Variants in RIMS2 observed in about 807,000 individuals in gnomAD.
RIMS2 encodes the protein regulating synaptic membrane exocytosis 2, also known as regulating synaptic membrane exocytosis protein 2.
RIMS2 carries 59 observed loss-of-function variants against 174.4 expected under a neutral mutation model. The ratio of observed to expected loss-of-function variants is 0.34; its 90% CI spans 0.27 to 0.42. The LOEUF is 0.42. Ranked by LOEUF, RIMS2 falls within the 10% of genes least tolerant of loss-of-function variation. The probability of loss-of-function intolerance (pLI) is 1.00; values close to 1 mark genes in which losing one functional copy is unlikely to be tolerated. For synonymous variants in RIMS2, 606 were observed against 572.5 expected (o/e 1.06, Z -0.84); for missense variants, 1,620 against 1,666.3 (o/e 0.97, Z 0.48).
intron 3 of RIMS2, among the ~76,000 whole-genome samples, chr8:103,870,189 A>C (rs1207778267): frequency 6.7e-6 from 1 of 149,662 alleles, no homozygotes; most frequent in East Asian, 2.0e-4. Flanking sequence ...TTTACCAGCT[A>C]TGTGATTTTA....
intron 19 of RIMS2, among the ~76,000 whole-genome samples, chr8:104,079,166 AT>A (rs542309811): frequency 1.4e-3 from 218 of 152,288 alleles, no homozygotes; most frequent in Non-Finnish European, 2.2e-3. Context: ...TATAGCAGAA[AT>A]TTTAACTTCT....
At chr8:103,961,230 C>T (rs1199986360) in intron 15 of RIMS2, 97 bp downstream of exon 17, 11 of 701,710 alleles carry the variant, frequency 1.6e-5, no homozygotes, top group East Asian at 2.7e-5. Flanking sequence ...AGATATAACT[C>T]GTCTTCTCAC....
intron 1 of RIMS2, among the ~76,000 whole-genome samples, chr8:103,606,338 T>C (rs868687185): frequency 1.7e-4 from 26 of 151,614 alleles, no homozygotes; most frequent in African/African-American, 6.1e-4. Context: ...TCCTGAGTTC[T>C]AGTTTGATTG....
intron 1 of RIMS2, among the ~76,000 whole-genome samples, chr8:103,517,469 C>T (rs1829528336): frequency 6.6e-6 from 1 of 151,242 alleles, no homozygotes; most frequent in South Asian, 2.1e-4. Context: ...GCATCATATG[C>T]AGGACTGATA....
chr8:103,882,528 C>T (rs937995183), intron 3 of RIMS2, among the ~76,000 whole-genome samples: 2 of 151,524 alleles, frequency 1.3e-5, no homozygotes, highest in African/African-American at 4.8e-5. Flanking sequence ...AAACCTAAGT[C>T]TTTGTAACAG....
chr8:104,251,594 G>C lies in RIMS2; in HGVS notation c.3832-8G>C, dbSNP rs763093781. 2 of 1,506,986 alleles carry C rather than the reference G, an allele frequency of 1.3e-6. No homozygotes were observed. Among genetic ancestry groups the C allele is most frequent in the Non-Finnish European group, 1.8e-6 (2 of 1,082,838 alleles). 93.4% of individuals were successfully genotyped at this position (1,506,986 alleles called of 1,614,324 possible). On this transcript the variant is annotated splice_region_variant and splice_polypyrimidine_tract_variant and intron_variant, in intron 23 of 23. Coordinates refer to ENST00000504942, the Ensembl canonical transcript of RIMS2. The stretch of plus-strand genomic sequence containing the variant: ...CTGACATCACTCTACTTTTTATTTT[G>C]CCAACAGATCATCGTCTGGGGAGAT...
exon 3 of RIMS2, chr8:103,766,525 T>C (rs1468196509): frequency 6.2e-7 from 1 of 1,610,818 alleles, no homozygotes. Context: ...GCCAGTGACA[T>C]AGCTTCAGAC....
intron 13 of RIMS2, among the ~76,000 whole-genome samples, chr8:103,937,098 A>C (rs558608339): frequency 2.4e-4 from 28 of 114,768 alleles, no homozygotes; most frequent in African/African-American, 6.8e-4. Flanking sequence ...ACTCTGTCTC[A>C]AAAAAAAAAT....
At chr8:103,638,878 C>T (rs1459659892) in intron 1 of RIMS2, among the ~76,000 whole-genome samples, 1 of 152,008 alleles carries the variant, frequency 6.6e-6, no homozygotes, top group Non-Finnish European at 1.5e-5. Flanking sequence ...ACACACATAT[C>T]TATATTTATT....
intron 19 of RIMS2, among the ~76,000 whole-genome samples, chr8:104,186,592 C>G (rs955175322): frequency 6.6e-6 from 1 of 151,666 alleles, no homozygotes; most frequent in African/African-American, 2.4e-5. Context: ...ACTACCATGT[C>G]ACTTCATTCT....
chr8:104,248,065 G>A (rs2511589), intron 20 of RIMS2, among the ~76,000 whole-genome samples: 52,394 of 148,804 alleles, frequency 0.35, 9,490 homozygotes, highest in African/African-American at 0.47. Flanking sequence ...TCAAGGAAGA[G>A]GGGGCAAGGG....
intron 3 of RIMS2, among the ~76,000 whole-genome samples, chr8:103,850,940 G>T (rs1227493460): frequency 6.6e-6 from 1 of 151,968 alleles, no homozygotes; most frequent in Non-Finnish European, 1.5e-5. Flanking sequence ...ATGTCCTTGA[G>T]TGGGGAGAGC....
intron 19 of RIMS2, among the ~76,000 whole-genome samples, chr8:104,151,710 T>C (rs1030376182): frequency 1.3e-5 from 2 of 152,178 alleles, no homozygotes; most frequent in African/African-American, 4.8e-5. Flanking sequence ...ATAAACACTT[T>C]TGAAGCTTGT....
intron 19 of RIMS2, among the ~76,000 whole-genome samples, chr8:104,183,329 T>C (rs920861404): frequency 6.6e-6 from 1 of 151,784 alleles, no homozygotes; most frequent in Non-Finnish European, 1.5e-5. Context: ...GTATTTCTAC[T>C]AATTTACATA....
rs541541317 is a variant in RIMS2 at position 104,198,065 on chromosome 8, T to C, written c.3335-46851T>C. Among the ~76,000 whole-genome samples the C allele has an allele frequency of 3.3e-5, 5 of 152,292 alleles. No individual in the cohort carries two copies. The South Asian group carries it at 1.0e-3, about 32-fold the overall frequency. ...TGTGATTCAAAACCAATAAGCCTTT[T>C]TATGGTTCAAAATCAATAATCCTTT... On this transcript the variant is annotated intron_variant, in intron 19 of 23. Transcript: ENST00000504942.
At chr8:103,876,864 T>TTTTATATATATATATATATATATA (rs1378279723) in intron 3 of RIMS2, among the ~76,000 whole-genome samples, 1 of 68,108 alleles carries the variant, frequency 1.5e-5, no homozygotes, top group Non-Finnish European at 3.1e-5. Context: ...ACACACTATT[T>TTTTATATATATATATATATATATA]TATATATATA....
At chr8:104,209,301 A>G (rs1279377939) in intron 19 of RIMS2, among the ~76,000 whole-genome samples, 1 of 152,366 alleles carries the variant, frequency 6.6e-6, no homozygotes, top group East Asian at 1.9e-4. Flanking sequence ...CTGTGAGCTA[A>G]TAATGGAAAT....
chr8:103,808,007 C>G (rs543283289), intron 3 of RIMS2, among the ~76,000 whole-genome samples: 2 of 152,058 alleles, frequency 1.3e-5, no homozygotes, highest in African/African-American at 4.8e-5. Context: ...TTACCTTTCA[C>G]CAAAGGAGGA....
At chr8:103,528,463 G>C (rs1010024245) in intron 1 of RIMS2, among the ~76,000 whole-genome samples, 100 of 152,230 alleles carry the variant, frequency 6.6e-4, no homozygotes, top group Non-Finnish European at 5.0e-4. Flanking sequence ...TGAAGTCCTT[G>C]CCCATGCCTA....
Sources: gnomAD v4.1 joint callset for allele counts (sites outside exome capture counted in the v4.1 genomes callset) on GRCh38, gnomAD v4.1.1 for gene constraint, MANE v1.5 for transcripts, NCBI Gene and HGNC (gene_info 2026-07-23, HGNC 2026-07-21) for gene names.